ZBTB45: variants seen among roughly 807,000 people sequenced by gnomAD.
ZBTB45 encodes the protein zinc finger and BTB domain containing 45.
In ZBTB45, 22 loss-of-function variants were observed where a neutral mutation model predicts 28.4. The observed-to-expected ratio is 0.77, with a 90% CI of 0.55 to 1.10. ZBTB45 has a LOEUF of 1.10. Ranked by LOEUF, ZBTB45 falls within the 50% of genes least tolerant of loss-of-function variation. The probability of loss-of-function intolerance (pLI) is 0.00; values close to 1 mark genes in which losing one functional copy is unlikely to be tolerated. For synonymous variants in ZBTB45, 361 were observed against 332.3 expected, an observed-to-expected ratio of 1.09 and a Z score of -0.94; for missense variants, 656 against 750.2, an observed-to-expected ratio of 0.87 and a Z score of 1.47.
upstream of ZBTB45, among the ~76,000 whole-genome samples, chr19:58,520,633 G>A (rs963633115): frequency 2.0e-5 from 3 of 152,178 alleles, no homozygotes; most frequent in Admixed American, 6.5e-5. Flanking sequence ...AGAAGAGGAA[G>A]GTGGAGAAAC....
Position 58,517,196 on chromosome 19 carries a change from G to A in ZBTB45, c.478C>T (p.Arg160Cys), listed in dbSNP as rs761538520. The A allele has an allele frequency of 8.1e-6, 13 of 1,605,172 alleles. No individual in the cohort carries two copies. The highest frequency in any genetic ancestry group is 2.2e-5 in the East Asian group (1 of 44,744). Residue 160 changes from arginine (R) to cysteine (C), a missense_variant, in exon 2 of 3, where the codon CGT becomes TGT. By Grantham distance (180) the Arg-to-Cys change is radical (BLOSUM62 -3). Around this residue, in one of 3 missense-constraint regions of ZBTB45, gnomAD observed 448 missense variants for 444.3 expected, o/e 1.01. Coordinates refer to ENST00000594051, the MANE Select transcript of ZBTB45 (RefSeq NM_001316979.2). ...GCAGCACCGGGGTGCCCCGGGGGAC[G>A]TGCAGCCAGCAGGTGGCGCAGGCGG... ...RHRLRHLLAA[R>C]PPGHPGAAHS...
intron 1 of ZBTB45, among the ~76,000 whole-genome samples, chr19:58,518,170 C>T (rs1568645062): frequency 6.6e-6 from 1 of 152,300 alleles, no homozygotes; most frequent in East Asian, 1.9e-4. Context: ...ACTCCTCCTC[C>T]ACCCCTGCTG....
chr19:58,513,996 T>G lies in ZBTB45; in HGVS notation c.*58A>C, dbSNP rs2122544003. The G allele has an allele frequency of 7.4e-7, 1 of 1,350,368 alleles. No homozygotes were observed. Among genetic ancestry groups the G allele is most frequent in the Non-Finnish European group, 9.5e-7 (1 of 1,057,172 alleles). The allele number at this position is 1,350,368 out of a possible 1,614,324, so 83.6% of individuals were successfully genotyped here. On this transcript the variant is annotated 3_prime_UTR_variant, in exon 3 of 3. Coordinates refer to ENST00000594051, the MANE Select transcript of ZBTB45 (RefSeq NM_001316979.2). Reference sequence around the variant, plus strand: ...GGAACCACGGGTCCCGCAGCGGGCGTGGCCGACTGTGCGGGAGGCCCCGGA... The same window carrying G: ...GGAACCACGGGTCCCGCAGCGGGCGGGGCCGACTGTGCGGGAGGCCCCGGA...
Position 58,516,502 on chromosome 19 carries a change from G to T in ZBTB45, c.1172C>A (p.Thr391Asn). ...CTCAGCACCTGGGGTGCGAGCAGGG[G>T]TGCCTGAGGGGGCCGTGGTGGGAGC... ...SAAPTTAPSGTPARTPGAEPP... is the reference protein window; with the variant it reads ...SAAPTTAPSGNPARTPGAEPP... Residue 391 changes from threonine to asparagine, a missense_variant, in exon 2 of 3, where the codon ACC becomes AAC. By Grantham distance (65) the Thr-to-Asn change is moderately conservative. This residue lies in a region of ZBTB45 where 448 missense variants were observed against 444.3 expected (regional missense o/e 1.01). Coordinates refer to ENST00000594051, the MANE Select transcript of ZBTB45 (RefSeq NM_001316979.2). The surrounding 1 kb of genome is among the most constrained non-coding windows in gnomAD (Gnocchi z 6.2). 6.2e-7 allele frequency: 1 copy of T among 1,613,732 alleles called. No homozygotes were observed. Among genetic ancestry groups the T allele is most frequent in the Non-Finnish European group, 8.5e-7 (1 of 1,179,800 alleles).
intron 1 of ZBTB45, among the ~76,000 whole-genome samples, chr19:58,530,220 C>CACAA (rs1311426032): frequency 6.6e-6 from 1 of 151,290 alleles, no homozygotes; most frequent in Non-Finnish European, 1.5e-5. Context: ...CACACACACA[C>CACAA]ACACACACAC....
At chr19:58,531,976 T>C (rs1259493624) in intron 1 of ZBTB45, among the ~76,000 whole-genome samples, 2 of 152,222 alleles carry the variant, frequency 1.3e-5, no homozygotes, top group Admixed American at 1.3e-4. Context: ...CCCTGGTTCC[T>C]ATTAGCAGGG....
intron 1 of ZBTB45, among the ~76,000 whole-genome samples, chr19:58,526,527 T>TATTATTA (rs775634681): frequency 4.9e-4 from 35 of 71,466 alleles, no homozygotes; most frequent in South Asian, 3.3e-3. Context: ...TTATTATTAT[T>TATTATTA]TTTTTTTTTT....
intron 1 of ZBTB45, among the ~76,000 whole-genome samples, chr19:58,518,347 T>C (rs1422970328): frequency 6.6e-6 from 1 of 152,132 alleles, no homozygotes; most frequent in East Asian, 1.9e-4. Context: ...TGGGTGTGCC[T>C]AGTCACTAAG....
chr19:58,537,783 C>G (rs1277700340), intron 1 of ZBTB45, among the ~76,000 whole-genome samples: 2 of 152,102 alleles, frequency 1.3e-5, no homozygotes, highest in Non-Finnish European at 2.9e-5. Context: ...TCCCCCTCTC[C>G]CGTGATTTTG....
Position 58,516,453 on chromosome 19 carries a change from G to A in ZBTB45, c.1221C>T (p.His407=), listed in dbSNP as rs374517211. The A allele has an allele frequency of 1.5e-5, 24 of 1,613,898 alleles. No individual in the cohort carries two copies. Among genetic ancestry groups the A allele is most frequent in the Non-Finnish European group, 1.9e-5 (23 of 1,179,904 alleles). ...GAEPPTYECS[H]CRKTFSSRKN... ...TCCGGGAGCTGAACGTCTTGCGACA[G>A]TGGCTGCACTCATACGTAGGTGGCT... The change falls in exon 2 of 3, where the codon CAC becomes CAT. Residue 407 remains histidine (H), a synonymous_variant. Transcript: ENST00000594051. The surrounding 1 kb of genome is among the most constrained non-coding windows in gnomAD (Gnocchi z 6.2).
At chr19:58,520,980 A>G (rs2053571965), upstream of ZBTB45, among the ~76,000 whole-genome samples, 2 of 131,004 alleles carry the variant, frequency 1.5e-5, no homozygotes, top group African/African-American at 5.8e-5. Flanking sequence ...TGAACCCGGG[A>G]GGCGGAGCTT....
rs568915869 is a variant in ZBTB45 at position 58,537,344 on chromosome 19, G to T, written c.-1+1357C>A. 3.9e-5 allele frequency among the ~76,000 whole-genome samples: 6 copies of T among 152,244 alleles called. No homozygotes were observed. The South Asian group carries it at 1.2e-3, about 32-fold the overall frequency. ...GCTTGTGTGGCTGCCTCATACTGGGGATGAAGGTCTTGGGCCCAGGAGAAG... is the reference window on the plus strand; with the variant it reads ...GCTTGTGTGGCTGCCTCATACTGGGTATGAAGGTCTTGGGCCCAGGAGAAG... On this transcript the variant is annotated intron_variant, in intron 1 of 1. Coordinates refer to the ZBTB45 transcript ENST00000600130.
chr19:58,517,726 T>A, intron 1 of ZBTB45, 53 bp from the exon 2 acceptor site: 1 of 1,522,744 alleles, frequency 6.6e-7, no homozygotes, highest in Non-Finnish European at 9.0e-7. Flanking sequence ...CCCCCATCTG[T>A]CCCAACGTCC....
At position 58,515,774 on chromosome 19, in the gene ZBTB45, C is replaced by G. The variant is rs1410526127; in HGVS notation, c.1279+621G>C. Among the ~76,000 whole-genome samples, 1 of 152,216 alleles carries G rather than the reference C, an allele frequency of 6.6e-6. No homozygotes were observed. Among genetic ancestry groups the G allele is most frequent in the Non-Finnish European group, 1.5e-5 (1 of 68,034 alleles). ...CACATTCCCCAGTACCACCCTCCCA[C>G]TCTTTACCTCTCCTGCAGCACTGCA... On this transcript the variant is annotated intron_variant, in intron 2 of 2. Transcript: ENST00000594051. This position sits in a 1 kb window ranked among gnomAD's most constrained non-coding sequence, Gnocchi z 4.7.
At chr19:58,534,895 C>T (rs2053652851) in intron 1 of ZBTB45, among the ~76,000 whole-genome samples, 1 of 145,064 alleles carries the variant, frequency 6.9e-6, no homozygotes, top group South Asian at 2.2e-4. Flanking sequence ...CGCTCTGTCG[C>T]CCAGGCTGGA....
At chr19:58,532,952 C>T (rs1436473863) in intron 1 of ZBTB45, among the ~76,000 whole-genome samples, 2 of 152,150 alleles carry the variant, frequency 1.3e-5, no homozygotes, top group Non-Finnish European at 2.9e-5. Context: ...TCTCCTGCCC[C>T]AGCCTCCCGG....
chr19:58,530,505 C>T lies in ZBTB45; in HGVS notation c.-1+8196G>A, dbSNP rs558281660. Among the ~76,000 whole-genome samples, 22 of 150,854 alleles carry T rather than the reference C, an allele frequency of 1.5e-4. 1 individual carries two copies. In the East Asian group the frequency reaches 3.8e-3, roughly 26 times the overall value. ...ATTTTTAGTAGAGATGGGGTTTCTC[C>T]ATGTTGGCCAGGCTGGTCTCAAACT... is the stretch of plus-strand genomic sequence containing the variant. On this transcript the variant is annotated intron_variant, in intron 1 of 1. Transcript: ENST00000600130.
At chr19:58,534,723 A>G (rs2053651848) in intron 1 of ZBTB45, among the ~76,000 whole-genome samples, 1 of 151,676 alleles carries the variant, frequency 6.6e-6, no homozygotes, top group African/African-American at 2.4e-5. Flanking sequence ...CGCCTGGCTA[A>G]TTTTTTGTAT....
At chr19:58,536,809 C>T (rs534789424) in intron 1 of ZBTB45, among the ~76,000 whole-genome samples, 1 of 152,234 alleles carries the variant, frequency 6.6e-6, no homozygotes, top group Non-Finnish European at 1.5e-5. Context: ...GGCGCACAAC[C>T]AGGCAGTAGG....
Sources: gnomAD v4.1 joint callset for allele counts (sites outside exome capture counted in the v4.1 genomes callset) on GRCh38, gnomAD v4.1.1 for gene constraint, gnomAD v4.1.1 regional missense constraint, Gnocchi (gnomAD v3.1) non-coding constraint, MANE v1.5 for transcripts, NCBI Gene and HGNC (gene_info 2026-07-23, HGNC 2026-07-21) for gene names.